The following KANSL1L variants were observed in gnomAD, a reference collection of about 807,000 sequenced individuals.
The protein encoded by KANSL1L is KAT8 regulatory NSL complex subunit 1-like protein.
Under a neutral mutation model 108.6 loss-of-function variants are expected in KANSL1L, and 25 were observed. The ratio of observed to expected loss-of-function variants is 0.23; its 90% CI spans 0.17 to 0.32. The LOEUF (loss-of-function observed/expected upper bound fraction) is 0.32. Among genes scored for constraint, KANSL1L ranks in the 10% least tolerant of loss-of-function variants. KANSL1L has a pLI of 1.00. For missense variants in KANSL1L, 1,137 were observed against 1,125.7 expected (o/e 1.01, Z -0.14); for synonymous variants, 405 against 395.1 (o/e 1.03, Z -0.30).
intron 2 of KANSL1L, among the ~76,000 whole-genome samples, chr2:210,129,612 G>A (rs538329429): frequency 6.6e-6 from 1 of 152,098 alleles, no homozygotes; most frequent in Non-Finnish European, 1.5e-5. Context: ...TAGCATATTC[G>A]ATTTTACTAT....
At chr2:210,066,679 C>G (rs2094469466) in intron 6 of KANSL1L, among the ~76,000 whole-genome samples, 1 of 152,242 alleles carries the variant, frequency 6.6e-6, no homozygotes, top group African/African-American at 2.4e-5. Context: ...CACACCAGGC[C>G]TGTTCTCACT....
chr2:210,119,176 C>A (rs1313633904), intron 3 of KANSL1L, among the ~76,000 whole-genome samples: 1 of 151,408 alleles, frequency 6.6e-6, no homozygotes, highest in Non-Finnish European at 1.5e-5. Context: ...GAGCGAGGCT[C>A]CGTCTCGAAA....
intron 5 of KANSL1L, among the ~76,000 whole-genome samples, chr2:210,087,023 TTTTTA>T (rs772398527): frequency 4.6e-5 from 7 of 151,608 alleles, no homozygotes; most frequent in African/African-American, 7.3e-5. Context: ...CTTTTTTTAT[TTTTTA>T]TTTTATTTTT....
chr2:210,157,304 C>T (rs145924018), intron 1 of KANSL1L, among the ~76,000 whole-genome samples: 6 of 152,274 alleles, frequency 3.9e-5, no homozygotes, highest in African/African-American at 1.4e-4. Context: ...ATGAATATAA[C>T]CAAACTAGCG....
intron 6 of KANSL1L, among the ~76,000 whole-genome samples, chr2:210,050,698 A>G (rs993288371): frequency 2.6e-5 from 4 of 151,242 alleles, no homozygotes; most frequent in Non-Finnish European, 5.9e-5. Context: ...CTACAGAAAA[A>G]AAAAAAAAAA....
intron 6 of KANSL1L, among the ~76,000 whole-genome samples, chr2:210,058,791 C>T (rs1441461440): frequency 2.7e-5 from 4 of 148,008 alleles, no homozygotes; most frequent in Admixed American, 1.4e-4. Context: ...GAGCTGAGAT[C>T]GCGCCACTGC....
intron 1 of KANSL1L, among the ~76,000 whole-genome samples, chr2:210,164,607 C>A (rs2095377237): frequency 6.6e-6 from 1 of 151,932 alleles, no homozygotes; most frequent in Non-Finnish European, 1.5e-5. Flanking sequence ...TCTAATGATG[C>A]AGAACTTCGA....
intron 1 of KANSL1L, among the ~76,000 whole-genome samples, chr2:210,160,051 A>G (rs2095353756): frequency 6.6e-6 from 1 of 152,220 alleles, no homozygotes; most frequent in Non-Finnish European, 1.5e-5. Context: ...AAAGAAAACA[A>G]TAACTAAAAT....
At chr2:210,029,950 A>G (rs367873863) in intron 9 of KANSL1L, 32 bp from the exon 10 acceptor site, 9 of 1,079,256 alleles carry the variant, frequency 8.3e-6, no homozygotes, top group Non-Finnish European at 1.3e-5. Flanking sequence ...AATGTTACAC[A>G]TTAAACAAGT....
chr2:210,135,756 C>A (rs1434431554), intron 2 of KANSL1L, among the ~76,000 whole-genome samples: 1 of 152,118 alleles, frequency 6.6e-6, no homozygotes, highest in Non-Finnish European at 1.5e-5. Flanking sequence ...TTTATGTTGA[C>A]TTCTCCTTGT....
rs2094597501 is a variant in KANSL1L, at chr2:210,082,385, G to A, written c.1551-6629C>T. ...TACTAAACTACATTCAGCACTCGAT[G>A]TCAAGCACAGGAAAAGAAAATTCAA... On this transcript the variant is annotated intron_variant, in intron 5 of 14. Transcript: ENST00000281772. Among the ~76,000 whole-genome samples, 2 of 152,158 alleles carry A rather than the reference G, an allele frequency of 1.3e-5. 1 individual carries two copies. The highest frequency in any genetic ancestry group is 4.1e-4 in the South Asian group (2 of 4,824).
intron 6 of KANSL1L, among the ~76,000 whole-genome samples, chr2:210,053,075 A>G (rs1001179850): frequency 2.0e-5 from 3 of 152,218 alleles, no homozygotes; most frequent in Admixed American, 2.0e-4. Flanking sequence ...ATGCTCATCA[A>G]TATGAAAGGG....
At chr2:210,171,526 C>G (rs1232466493), upstream of KANSL1L, 1 of 153,436 alleles carries the variant, frequency 6.5e-6, no homozygotes, top group South Asian at 2.0e-4. Flanking sequence ...AGAAGCGGCT[C>G]GGAGTGTTCT....
intron 1 of KANSL1L, among the ~76,000 whole-genome samples, chr2:210,168,264 A>G (rs762399204): frequency 2.0e-5 from 3 of 152,090 alleles, no homozygotes; most frequent in Non-Finnish European, 4.4e-5. Flanking sequence ...CCTAAGCATA[A>G]TTCTATACCT....
At chr2:210,078,104 A>G (rs556744618) in intron 5 of KANSL1L, among the ~76,000 whole-genome samples, 1 of 152,342 alleles carries the variant, frequency 6.6e-6, no homozygotes, top group Non-Finnish European at 1.5e-5. Flanking sequence ...ACAAACCTGT[A>G]AAACATGTTA....
At chr2:210,165,479 ATT>A (rs1205482161) in intron 1 of KANSL1L, among the ~76,000 whole-genome samples, 1 of 152,124 alleles carries the variant, frequency 6.6e-6, no homozygotes, top group Non-Finnish European at 1.5e-5. Context: ...GTTATATTAA[ATT>A]TGTTATAAAT....
rs200978517 is a variant in KANSL1L, at chr2:210,023,219, T to G, written c.2734-40A>C. 1.3e-5 allele frequency: 19 copies of G among 1,437,836 alleles called. No individual in the cohort carries two copies. In the African/African-American group the frequency reaches 2.5e-4, roughly 19 times the overall value. The allele number at this position is 1,437,836 out of a possible 1,614,324, so 89.1% of individuals were successfully genotyped here. On this transcript the variant is annotated intron_variant, in intron 14 of 14. Coordinates refer to ENST00000281772, the MANE Select transcript of KANSL1L (RefSeq NM_152519.4). ...ATTTTCAGTTAAGTTTCAACTAACT[T>G]GTTTTGTTTAAATTCATCTAACAAG...
chr2:210,120,262 T>A (rs1336343977), intron 3 of KANSL1L, among the ~76,000 whole-genome samples: 1 of 152,010 alleles, frequency 6.6e-6, no homozygotes, highest in African/African-American at 2.4e-5. Flanking sequence ...CATGGTGGCA[T>A]GTGCCTGTAG....
At chr2:210,122,372 C>T (rs911547175) in intron 3 of KANSL1L, among the ~76,000 whole-genome samples, 22 of 152,154 alleles carry the variant, frequency 1.4e-4, no homozygotes, top group African/African-American at 5.1e-4. Flanking sequence ...AACCCAGAAA[C>T]AAATCCATAC....
Sources: gnomAD v4.1 joint callset for allele counts (sites outside exome capture counted in the v4.1 genomes callset) on GRCh38, gnomAD v4.1.1 for gene constraint, MANE v1.5 for transcripts, NCBI Gene and HGNC (gene_info 2026-07-23, HGNC 2026-07-21) for gene names.